The following DLGAP2 variants were observed in gnomAD, a reference collection of about 807,000 sequenced individuals.
The protein encoded by DLGAP2 is DLG associated protein 2.
A neutral mutation model predicts 100.3 loss-of-function variants in DLGAP2; 26 were observed. That is an observed-to-expected ratio of 0.26 (90% CI 0.19 to 0.36). The LOEUF (loss-of-function observed/expected upper bound fraction) is 0.36. Among genes scored for constraint, DLGAP2 ranks in the 10% least tolerant of loss-of-function variants. The pLI is 1.00. For synonymous variants in DLGAP2, 886 were observed against 630.1 expected (o/e 1.41, Z -6.08); for missense variants, 1,858 against 1,453.2 (o/e 1.28, Z -4.53).
At chr8:1,451,530 T>G (rs1232784964) in intron 3 of DLGAP2, among the ~76,000 whole-genome samples, 1 of 152,100 alleles carries the variant, frequency 6.6e-6, no homozygotes, top group Non-Finnish European at 1.5e-5. Flanking sequence ...ATAAACCGCC[T>G]TAATCCTTCC....
At chr8:1,163,314 A>AC (rs1796928197) in intron 2 of DLGAP2, among the ~76,000 whole-genome samples, 1 of 152,034 alleles carries the variant, frequency 6.6e-6, no homozygotes, top group Non-Finnish European at 1.5e-5. Flanking sequence ...GCTGTGCCGC[A>AC]CCCCCTGCCT....
intron 2 of DLGAP2, among the ~76,000 whole-genome samples, chr8:1,122,494 A>G (rs988934627): frequency 8.5e-5 from 13 of 152,204 alleles, no homozygotes; most frequent in Non-Finnish European, 1.3e-4. Context: ...TGATCCCACA[A>G]TAGGTTGAAT....
rs907717159 is a variant in DLGAP2, at chr8:914,659, A to G, written c.73+6693A>G. 3.3e-5 allele frequency among the ~76,000 whole-genome samples: 5 copies of G among 152,232 alleles called. No homozygotes were observed. In the South Asian group the frequency reaches 8.3e-4, roughly 25 times the overall value. Reference sequence around the variant, plus strand: ...TTGCACGGTTATAGATGGTGGCCCTATTAACCCCAGAGCAGGTTAATGTAC... The same window carrying G: ...TTGCACGGTTATAGATGGTGGCCCTGTTAACCCCAGAGCAGGTTAATGTAC... On this transcript the variant is annotated intron_variant, in intron 2 of 14. Coordinates refer to ENST00000637795, the MANE Select transcript of DLGAP2 (RefSeq NM_001346810.2).
intron 3 of DLGAP2, among the ~76,000 whole-genome samples, chr8:1,331,094 C>G (rs1801148160): frequency 6.6e-6 from 1 of 152,244 alleles, no homozygotes; most frequent in Admixed American, 6.5e-5. Flanking sequence ...GCTGGCTTAG[C>G]TGCCTGCTGG....
chr8:1,240,732 C>T (rs149104262), intron 2 of DLGAP2, among the ~76,000 whole-genome samples: 68 of 140,090 alleles, frequency 4.9e-4, no homozygotes, highest in African/African-American at 1.7e-3. Flanking sequence ...TCTCACATGG[C>T]GCCGTGTCTG....
intron 1 of DLGAP2, among the ~76,000 whole-genome samples, chr8:795,169 C>CAGTG (rs1795998014): frequency 2.6e-5 from 4 of 152,226 alleles, no homozygotes; most frequent in African/African-American, 4.8e-5. Flanking sequence ...ACCGTGAACA[C>CAGTG]TGAACCCTTG....
At chr8:798,259 G>A (rs1796076196) in intron 1 of DLGAP2, among the ~76,000 whole-genome samples, 2 of 149,380 alleles carry the variant, frequency 1.3e-5, no homozygotes, top group Non-Finnish European at 3.0e-5. Flanking sequence ...GCAAACTCTT[G>A]TTGATTCAGG....
chr8:1,520,277 C>T (rs882121), intron 4 of DLGAP2, among the ~76,000 whole-genome samples: 74,356 of 152,016 alleles, frequency 0.49, 19,795 homozygotes, highest in South Asian at 0.64. Context: ...GATGGGAAAA[C>T]GCTGGGGCAC....
intron 2 of DLGAP2, among the ~76,000 whole-genome samples, chr8:918,273 T>C (rs1156656829): frequency 6.6e-6 from 1 of 152,226 alleles, no homozygotes; most frequent in Non-Finnish European, 1.5e-5. Flanking sequence ...GCCTCCTGTT[T>C]TAAAATATGC....
intron 1 of DLGAP2, among the ~76,000 whole-genome samples, chr8:782,539 A>C (rs1228174673): frequency 1.3e-5 from 2 of 152,212 alleles, no homozygotes; most frequent in Non-Finnish European, 2.9e-5. Context: ...ATTTGATGAA[A>C]TATGTTAATT....
intron 7 of DLGAP2, among the ~76,000 whole-genome samples, chr8:1,627,900 G>GC: frequency 6.6e-6 from 1 of 151,810 alleles, no homozygotes; most frequent in Admixed American, 6.5e-5. Flanking sequence ...AAGAGCTTGA[G>GC]CCGACCTCAC....
chr8:1,144,732 C>T (rs568671135), intron 2 of DLGAP2, among the ~76,000 whole-genome samples: 1 of 152,214 alleles, frequency 6.6e-6, no homozygotes, highest in African/African-American at 2.4e-5. Context: ...GCTCTAGGGT[C>T]CATCCAGGAA....
At chr8:1,353,022 C>T (rs773000389) in intron 3 of DLGAP2, among the ~76,000 whole-genome samples, 3 of 152,204 alleles carry the variant, frequency 2.0e-5, no homozygotes, top group Non-Finnish European at 4.4e-5. Flanking sequence ...AAGGGAGAAC[C>T]TGCTAGGATT....
At chr8:854,144 A>G (rs1359856071) in intron 1 of DLGAP2, among the ~76,000 whole-genome samples, 1 of 152,156 alleles carries the variant, frequency 6.6e-6, no homozygotes, top group Non-Finnish European at 1.5e-5. Flanking sequence ...CACCCGGTCT[A>G]TGATACCTTG....
At chr8:1,488,326 G>A (rs1197050235) in intron 3 of DLGAP2, among the ~76,000 whole-genome samples, 1 of 152,172 alleles carries the variant, frequency 6.6e-6, no homozygotes, top group African/African-American at 2.4e-5. Context: ...CTTCCATGGA[G>A]GCCACTGGAA....
At chr8:1,065,796 A>G (rs936831577) in intron 2 of DLGAP2, among the ~76,000 whole-genome samples, 7 of 152,166 alleles carry the variant, frequency 4.6e-5, no homozygotes, top group Non-Finnish European at 1.0e-4. Context: ...CGAAGCCCCC[A>G]AATAGTTCTG....
At chr8:1,044,565 G>C (rs1802464892) in intron 2 of DLGAP2, among the ~76,000 whole-genome samples, 1 of 152,174 alleles carries the variant, frequency 6.6e-6, no homozygotes, top group African/African-American at 2.4e-5. Context: ...CATGTGACCT[G>C]GCAGGACACG....
intron 3 of DLGAP2, among the ~76,000 whole-genome samples, chr8:1,477,568 G>C (rs533723829): frequency 7.3e-4 from 111 of 152,266 alleles, no homozygotes; most frequent in African/African-American, 2.3e-3. Flanking sequence ...GTCATCTTCA[G>C]AGCCTGTCTA....
Position 1,212,304 on chromosome 8 carries a change from G to C in DLGAP2, c.74-46547G>C, listed in dbSNP as rs115812565. Among the ~76,000 whole-genome samples the C allele has an allele frequency of 6.8e-3, 1,043 of 152,312 alleles. 11 individuals carry two copies. The highest frequency in any genetic ancestry group is 0.023 in the African/African-American group (964 of 41,564). ...GGAGCTGCTTTCAGTTCTAAGGGAA[G>C]AAAACATTAGGAAGGTTTGCTCCGT... On this transcript the variant is annotated intron_variant, in intron 2 of 14. Transcript: ENST00000637795.
Sources: gnomAD v4.1 joint callset for allele counts (sites outside exome capture counted in the v4.1 genomes callset) on GRCh38, gnomAD v4.1.1 for gene constraint, MANE v1.5 for transcripts, NCBI Gene and HGNC (gene_info 2026-07-23, HGNC 2026-07-21) for gene names.